Variants in CPXM2 observed in about 807,000 individuals in gnomAD.
CPXM2 encodes the protein inactive carboxypeptidase-like protein X2.
In CPXM2, 66 loss-of-function variants were observed where a neutral mutation model predicts 86.1. That is an observed-to-expected ratio of 0.77 (90% CI 0.63 to 0.94). The LOEUF is 0.94. CPXM2 is among the 40% of genes least tolerant of loss of function. The pLI is 0.00. For synonymous variants in CPXM2, 388 were observed against 400.2 expected (o/e 0.97, Z 0.36); for missense variants, 948 against 1,026.3 (o/e 0.92, Z 1.04).
chr10:123,868,355 T>C (rs2134208207), intron 2 of CPXM2, among the ~76,000 whole-genome samples: 1 of 152,228 alleles, frequency 6.6e-6, no homozygotes, highest in Non-Finnish European at 1.5e-5. Context: ...TCTGAGGCAA[T>C]CAGCAGCCAG....
chr10:123,825,249 G>T (rs538412413), intron 4 of CPXM2, among the ~76,000 whole-genome samples: 1 of 152,172 alleles, frequency 6.6e-6, no homozygotes, highest in East Asian at 1.9e-4. Context: ...AGACAGAGAG[G>T]AAGGGGGCAG....
At chr10:123,877,072 A>C (rs1013837266) in intron 2 of CPXM2, among the ~76,000 whole-genome samples, 1 of 152,266 alleles carries the variant, frequency 6.6e-6, no homozygotes, top group Admixed American at 6.5e-5. Flanking sequence ...AGCTTGGGAC[A>C]CATGTAAAAA....
At chr10:123,757,568 G>A (rs1166243154) in intron 11 of CPXM2, among the ~76,000 whole-genome samples, 2 of 152,148 alleles carry the variant, frequency 1.3e-5, no homozygotes, top group Admixed American at 6.5e-5. Flanking sequence ...AATGGTTTGT[G>A]GTGAGGACAG....
chr10:123,829,469 AAAC>A lies in CPXM2; in HGVS notation c.653+12877_653+12879del, dbSNP rs971431803. ...ATGAGCCACTGCACCCAACCCAAAC[AAAC>A]AACAACAACAACAAAATTAAACACA... On this transcript the variant is annotated intron_variant, in intron 4 of 13. Coordinates refer to ENST00000241305, the MANE Select transcript of CPXM2 (RefSeq NM_198148.3). Among the ~76,000 whole-genome samples, 52 of 152,098 alleles carry A rather than the reference AAAC, an allele frequency of 3.4e-4. No homozygotes were observed. In the East Asian group the frequency reaches 7.0e-3, roughly 20 times the overall value.
chr10:123,842,225 T>G, intron 4 of CPXM2, 124 bp downstream of exon 4: 1 of 1,305,590 alleles, frequency 7.7e-7, no homozygotes. Flanking sequence ...CATATTCCAA[T>G]TTTCTCCTCT....
At chr10:123,852,995 C>T (rs1045853146) in intron 3 of CPXM2, among the ~76,000 whole-genome samples, 7 of 152,166 alleles carry the variant, frequency 4.6e-5, no homozygotes, top group Admixed American at 1.3e-4. Context: ...CCAAATCTCA[C>T]GTCAAATTGT....
At chr10:123,932,848 GA>G (rs1945678141) in intron 2 of CPXM2, among the ~76,000 whole-genome samples, 4 of 152,212 alleles carry the variant, frequency 2.6e-5, no homozygotes, top group Admixed American at 2.6e-4. Context: ...AGAGAAAGGG[GA>G]AGCAGGGCTT....
chr10:123,853,750 C>T (rs1198596204), intron 3 of CPXM2, among the ~76,000 whole-genome samples: 1 of 152,040 alleles, frequency 6.6e-6, no homozygotes, highest in Non-Finnish European at 1.5e-5. Context: ...ACTAAACATA[C>T]AAAAATTAGC....
chr10:123,889,661 A>G (rs1433697869), intron 1 of CPXM2, among the ~76,000 whole-genome samples: 1 of 152,254 alleles, frequency 6.6e-6, no homozygotes, highest in Non-Finnish European at 1.5e-5. Flanking sequence ...TTGACAAAGT[A>G]AAGTGAGGTG....
rs547504489 is a variant in CPXM2 at position 123,782,841 on chromosome 10, A to G, written c.890-2586T>C. Among the ~76,000 whole-genome samples, 15 of 152,350 alleles carry G rather than the reference A, an allele frequency of 9.8e-5. No homozygotes were observed. The South Asian group carries it at 2.7e-3, about 27-fold the overall frequency. On this transcript the variant is annotated intron_variant, in intron 6 of 13. Coordinates refer to ENST00000241305, the MANE Select transcript of CPXM2 (RefSeq NM_198148.3). ...CAGTAAGTTAGGCATTCTAAGTCAC[A>G]GGATGAGATAGGAGTCTGGCACAAG... is the stretch of plus-strand genomic sequence containing the variant.
At chr10:123,753,588 G>A (rs1846128901) in intron 13 of CPXM2, among the ~76,000 whole-genome samples, 1 of 152,204 alleles carries the variant, frequency 6.6e-6, no homozygotes, top group Non-Finnish European at 1.5e-5. Flanking sequence ...AAACAACTGA[G>A]AGAAAGCATG....
chr10:123,798,174 C>T (rs1326611871), intron 5 of CPXM2, 48 bp from the exon 6 acceptor site: 1 of 1,509,920 alleles, frequency 6.6e-7, no homozygotes, highest in South Asian at 1.4e-5. Context: ...TGCTTAATTA[C>T]CAAGGGATAA....
intron 5 of CPXM2, 103 bp downstream of exon 5, chr10:123,799,012 G>C (rs2134068976): frequency 7.4e-7 from 1 of 1,359,570 alleles, no homozygotes; most frequent in Non-Finnish European, 1.0e-6. Context: ...TGAGTTGACA[G>C]AGAATCCACA....
In CPXM2 at chr10:123,862,703, C is replaced by G. The variant is rs1240062869; in HGVS notation, c.424G>C (p.Glu142Gln). 1 of 1,603,940 alleles carries G rather than the reference C, an allele frequency of 6.2e-7. No homozygotes were observed. Among genetic ancestry groups the G allele is most frequent in the East Asian group, 2.2e-5 (1 of 44,536 alleles). Residue 142 changes from glutamate (E) to glutamine (Q), a missense_variant, in exon 3 of 14, where the codon GAA becomes CAA. By Grantham distance (29) the Glu-to-Gln change is conservative. Transcript: ENST00000241305. The part of the protein sequence containing the change: ...VRESCPPLGL[E>Q]TLKITDFQLH... ...TGGAAGTCTGTGATTTTTAAGGTTT[C>G]CAGACCAAGAGGTGGGCAACCTGGA...
intron 3 of CPXM2, 70 bp from the exon 4 acceptor site, chr10:123,842,558 T>G: frequency 6.7e-7 from 1 of 1,501,222 alleles, no homozygotes; most frequent in South Asian, 1.2e-5. Flanking sequence ...TATCTTTTCC[T>G]GAGGCTGAGA....
intron 4 of CPXM2, among the ~76,000 whole-genome samples, chr10:123,814,905 G>T (rs927739565): frequency 2.1e-4 from 32 of 152,104 alleles, no homozygotes; most frequent in Admixed American, 1.2e-3. Flanking sequence ...TACACCTGTA[G>T]TCCCAGCTAC....
chr10:123,765,807 C>G (rs1224581532), intron 10 of CPXM2, among the ~76,000 whole-genome samples: 1 of 152,252 alleles, frequency 6.6e-6, no homozygotes, highest in Non-Finnish European at 1.5e-5. Context: ...CCTGCTGCTC[C>G]TCCTCCAGTA....
upstream of CPXM2, among the ~76,000 whole-genome samples, chr10:123,940,612 C>T (rs146601952): frequency 1.2e-3 from 178 of 152,344 alleles, no homozygotes; most frequent in Admixed American, 2.0e-3. Flanking sequence ...GACGCCTCAA[C>T]ACCCACCTAA....
chr10:123,913,300 A>G (rs1945505092), intron 2 of CPXM2, among the ~76,000 whole-genome samples: 1 of 152,232 alleles, frequency 6.6e-6, no homozygotes, highest in Admixed American at 6.5e-5. Context: ...AGCCTTATCC[A>G]AGTGCGGAGT....
Sources: gnomAD v4.1 joint callset for allele counts (sites outside exome capture counted in the v4.1 genomes callset) on GRCh38, gnomAD v4.1.1 for gene constraint, MANE v1.5 for transcripts, NCBI Gene and HGNC (gene_info 2026-07-23, HGNC 2026-07-21) for gene names.